DENND2B: variants seen among roughly 807,000 people sequenced by gnomAD.
DENND2B encodes DENN domain containing 2B, also known as DENN domain-containing protein 2B.
In DENND2B, 32 loss-of-function variants were observed where a neutral mutation model predicts 116.0. That is an observed-to-expected ratio of 0.28 (90% CI 0.21 to 0.37). DENND2B has a LOEUF of 0.37. Among genes scored for constraint, DENND2B ranks in the 10% least tolerant of loss-of-function variants. The pLI is 1.00. For synonymous variants in DENND2B, 588 were observed against 583.9 expected, an observed-to-expected ratio of 1.01 and a Z score of -0.10; for missense variants, 1,276 against 1,477.7, an observed-to-expected ratio of 0.86 and a Z score of 2.24.
At chr11:8,710,037 G>C (rs1414838830) in intron 11 of DENND2B, among the ~76,000 whole-genome samples, 1 of 152,142 alleles carries the variant, frequency 6.6e-6, no homozygotes, top group African/African-American at 2.4e-5. Context: ...AAGTGTTTCT[G>C]AATGAATGAA....
chr11:8,909,039 C>A lies in DENND2B; in HGVS notation c.-256+1782G>T, dbSNP rs1453863263. On this transcript the variant is annotated intron_variant, in intron 1 of 22. Coordinates refer to the DENND2B transcript ENST00000534127. ...CAGACAAAATAGTAAATACTAGATG[C>A]ACCTTAAACTCTAAACACTACAGAT... Among the ~76,000 whole-genome samples, 3 of 152,090 alleles carry A rather than the reference C, an allele frequency of 2.0e-5. 1 individual carries two copies. Among genetic ancestry groups the A allele is most frequent in the African/African-American group, 7.2e-5 (3 of 41,416 alleles).
At chr11:8,729,221 C>T (rs2047655948) in intron 3 of DENND2B, among the ~76,000 whole-genome samples, 2 of 152,150 alleles carry the variant, frequency 1.3e-5, no homozygotes, top group Admixed American at 1.3e-4. Flanking sequence ...AGCTCACTCC[C>T]AGCCTACCCT....
chr11:8,899,034 A>C (rs1162190923), intron 1 of DENND2B, among the ~76,000 whole-genome samples: 1 of 152,176 alleles, frequency 6.6e-6, no homozygotes, highest in African/African-American at 2.4e-5. Flanking sequence ...AAAACAAAAC[A>C]AATTATGGAG....
chr11:8,763,877 T>G (rs144493384), intron 1 of DENND2B, among the ~76,000 whole-genome samples: 9 of 152,186 alleles, frequency 5.9e-5, no homozygotes, highest in Non-Finnish European at 1.0e-4. Context: ...GCAAGCAGGA[T>G]ACAGAGCTCA....
intron 9 of DENND2B, chr11:8,711,951 A>C: frequency 2.2e-6 from 1 of 455,946 alleles, no homozygotes; most frequent in Non-Finnish European, 4.4e-6. Context: ...GTCTGGACAG[A>C]CCTCCTGAAA....
upstream of DENND2B, among the ~76,000 whole-genome samples, chr11:8,871,886 T>C (rs1262312350): frequency 6.6e-6 from 1 of 152,182 alleles, no homozygotes; most frequent in African/African-American, 2.4e-5. Flanking sequence ...AAAATGTAAA[T>C]TACTTAAGAT....
At chr11:8,774,126 G>C (rs546783182) in intron 1 of DENND2B, 1 of 985,332 alleles carries the variant, frequency 1.0e-6, no homozygotes, top group Non-Finnish European at 1.2e-6. Context: ...ACTTACCACT[G>C]CTAAAAGTGC....
Position 8,698,973 on chromosome 11 carries a change from G to C in DENND2B, c.2900C>G (p.Ala967Gly). 2 of 1,614,144 alleles carry C rather than the reference G, an allele frequency of 1.2e-6. No homozygotes were observed. The highest frequency in any genetic ancestry group is 1.7e-6 in the Non-Finnish European group (2 of 1,180,030). Reference sequence around the variant, plus strand: ...GTCAGATCCCAGATTCACCATCAGCGCCTGAGAAAAGGAGTCATTAGCAGA... The same window carrying C: ...GTCAGATCCCAGATTCACCATCAGCCCCTGAGAAAAGGAGTCATTAGCAGA... ...PKLKELPVEEALMVNLGSDRF... is the reference protein window; with the variant it reads ...PKLKELPVEEGLMVNLGSDRF... The change falls in exon 16 of 20, where the codon GCG (alanine) becomes GGG (glycine). Residue 967 changes from alanine to glycine, a missense_variant and splice_region_variant. This residue lies in a region of DENND2B where 420 missense variants were observed against 631.1 expected (regional missense o/e 0.67). Coordinates refer to ENST00000313726, the MANE Select transcript of DENND2B (RefSeq NM_213618.2).
chr11:8,852,271 A>G (rs748500035), intron 3 of DENND2B, among the ~76,000 whole-genome samples: 9 of 152,192 alleles, frequency 5.9e-5, no homozygotes, highest in South Asian at 2.1e-4. Context: ...TGTCACATTA[A>G]AGGGTGGAAT....
At chr11:8,786,821 AAAAC>A (rs1309684135) in intron 1 of DENND2B, among the ~76,000 whole-genome samples, 13 of 151,990 alleles carry the variant, frequency 8.6e-5, no homozygotes, top group African/African-American at 1.2e-4. Context: ...TGTCTCAAAG[AAAAC>A]AAACAAACAA....
At chr11:8,894,702 C>T (rs1466945596) in intron 1 of DENND2B, among the ~76,000 whole-genome samples, 1 of 152,104 alleles carries the variant, frequency 6.6e-6, no homozygotes, top group East Asian at 1.9e-4. Context: ...CAATGAGATA[C>T]CATCTCACAC....
At chr11:8,773,993 ATGAAGCTT>A (rs554858899) in intron 1 of DENND2B, 1 of 474,342 alleles carries the variant, frequency 2.1e-6, no homozygotes, top group Admixed American at 6.4e-5. Context: ...TCTACCAGCT[ATGAAGCTT>A]TGGATGTGTT....
At chr11:8,781,133 A>AG in intron 1 of DENND2B, among the ~76,000 whole-genome samples, 1 of 152,340 alleles carries the variant, frequency 6.6e-6, no homozygotes, top group East Asian at 1.9e-4. Flanking sequence ...GGAAGGATGG[A>AG]GGGACTGTGA....
At chr11:8,805,366 T>C (rs2060749709) in intron 1 of DENND2B, among the ~76,000 whole-genome samples, 1 of 152,202 alleles carries the variant, frequency 6.6e-6, no homozygotes, top group African/African-American at 2.4e-5. Context: ...CAGAACTCCA[T>C]AAGGTAGCCT....
intron 1 of DENND2B, among the ~76,000 whole-genome samples, chr11:8,760,858 T>A (rs1357732267): frequency 1.3e-5 from 2 of 152,090 alleles, no homozygotes; most frequent in African/African-American, 4.8e-5. Context: ...GGTCAGAGGA[T>A]AGGTGGGTGT....
chr11:8,882,847 G>C (rs2063917352), intron 1 of DENND2B, among the ~76,000 whole-genome samples: 1 of 152,056 alleles, frequency 6.6e-6, no homozygotes, highest in Non-Finnish European at 1.5e-5. Flanking sequence ...AATTAGCCAG[G>C]AATAGTGGTG....
intron 1 of DENND2B, among the ~76,000 whole-genome samples, chr11:8,902,033 A>G (rs2064176800): frequency 6.6e-6 from 1 of 152,074 alleles, no homozygotes; most frequent in East Asian, 1.9e-4. Flanking sequence ...TCAGTTATTA[A>G]GACTGAGGAT....
upstream of DENND2B, among the ~76,000 whole-genome samples, chr11:8,873,672 T>C (rs1352329024): frequency 1.3e-5 from 2 of 152,224 alleles, no homozygotes. Context: ...TGGCAAGCTC[T>C]TTGAGGACAG....
intron 1 of DENND2B, among the ~76,000 whole-genome samples, chr11:8,806,299 G>A (rs1333835038): frequency 1.3e-5 from 2 of 152,174 alleles, no homozygotes; most frequent in African/African-American, 4.8e-5. Flanking sequence ...GTGATGACAG[G>A]TCACACAGAG....
Sources: allele counts gnomAD v4.1 joint callset (sites outside exome capture counted in the v4.1 genomes callset), GRCh38; gene constraint gnomAD v4.1.1; regional missense constraint gnomAD v4.1.1; transcripts MANE v1.5; gene names NCBI Gene and HGNC (gene_info 2026-07-23, HGNC 2026-07-21).